The following DRC5 variants were observed in gnomAD, a reference collection of about 807,000 sequenced individuals.
DRC5 encodes dynein regulatory complex subunit 5, also known as T-complex-associated testis-expressed protein 1.
the DRC5 span, among the ~76,000 whole-genome samples, chr6:44,288,636 T>C: frequency 6.6e-6 from 1 of 152,188 alleles, no homozygotes; most frequent in Non-Finnish European, 1.5e-5. Flanking sequence ...AGAAATATAA[T>C]GCAAGCCAAA....
At chr6:44,287,903 TG>T in the DRC5 span, 16 of 1,526,458 alleles carry the variant, frequency 1.0e-5, no homozygotes, top group Non-Finnish European at 1.3e-5. Flanking sequence ...GGCAGGTCCT[TG>T]AAACAGGTAG....
At chr6:44,283,670 G>A in the DRC5 span, among the ~76,000 whole-genome samples, 81 of 152,326 alleles carry the variant, frequency 5.3e-4, no homozygotes, top group Admixed American at 1.4e-3. Flanking sequence ...ATGCCTGTGC[G>A]CAAGCAACTG....
the DRC5 span, chr6:44,280,294 G>C: frequency 1.2e-6 from 2 of 1,614,104 alleles, no homozygotes; most frequent in African/African-American, 2.7e-5. Context: ...TGGCCAATGA[G>C]GTACTCGCTT....
At chr6:44,291,260 T>C in the DRC5 span, among the ~76,000 whole-genome samples, 1 of 152,246 alleles carries the variant, frequency 6.6e-6, no homozygotes, top group Non-Finnish European at 1.5e-5. Flanking sequence ...TAATCATCTC[T>C]TGATTTTTTA....
At chr6:44,284,140 A>T in the DRC5 span, among the ~76,000 whole-genome samples, 2 of 149,240 alleles carry the variant, frequency 1.3e-5, no homozygotes, top group Non-Finnish European at 3.0e-5. Flanking sequence ...CTCACTTCCC[A>T]CTCTCCCCAG....
the DRC5 span, among the ~76,000 whole-genome samples, chr6:44,284,362 C>T: frequency 3.3e-5 from 5 of 152,018 alleles, no homozygotes; most frequent in African/African-American, 1.2e-4. Flanking sequence ...CTTCTTCTTC[C>T]ACTGAGACCA....
the DRC5 span, among the ~76,000 whole-genome samples, chr6:44,283,022 T>C: frequency 5.5e-3 from 835 of 152,156 alleles, 12 homozygotes; most frequent in African/African-American, 0.019. Flanking sequence ...CAGGATGGTC[T>C]TGATCTCCTG....
At chr6:44,279,864 C>T in the DRC5 span, 11 of 244,896 alleles carry the variant, frequency 4.5e-5, no homozygotes, top group Middle Eastern at 1.3e-3. Context: ...GCAGCCCCAA[C>T]GGGAGAATCT....
the DRC5 span, among the ~76,000 whole-genome samples, chr6:44,289,022 A>AAG: frequency 7.0e-4 from 95 of 136,528 alleles, 1 homozygote; most frequent in East Asian, 2.5e-3. Context: ...AAAAAAAAAA[A>AAG]GAAAAACAGG....
chr6:44,282,772 T>C, the DRC5 span, among the ~76,000 whole-genome samples: 1 of 151,384 alleles, frequency 6.6e-6, no homozygotes, highest in Non-Finnish European at 1.5e-5. Flanking sequence ...ACATGCTGGG[T>C]ATGCTGCTTG....
the DRC5 span, among the ~76,000 whole-genome samples, chr6:44,292,333 G>C: frequency 7.2e-4 from 109 of 152,266 alleles, no homozygotes; most frequent in Middle Eastern, 3.4e-3. Flanking sequence ...TTCTGAGTCT[G>C]AGCTCAAGCA....
At chr6:44,279,291 G>C in the DRC5 span, 1 of 152,632 alleles carries the variant, frequency 6.6e-6, no homozygotes, top group South Asian at 2.1e-4. Context: ...GTGTCCTGGG[G>C]ACAAGGGCTT....
chr6:44,285,882 A>G, the DRC5 span: 2 of 1,277,274 alleles, frequency 1.6e-6, no homozygotes, highest in African/African-American at 1.5e-5. Context: ...GAAGAAGGCA[A>G]TAATAGAGGA....
the DRC5 span, among the ~76,000 whole-genome samples, chr6:44,288,525 A>C: frequency 2.0e-5 from 3 of 152,330 alleles, no homozygotes; most frequent in African/African-American, 4.8e-5. Context: ...CACAGATATA[A>C]TAAAGAGCCA....
the DRC5 span, among the ~76,000 whole-genome samples, chr6:44,281,131 T>C: frequency 2.0e-5 from 3 of 152,094 alleles, no homozygotes; most frequent in African/African-American, 2.4e-5. Context: ...AGTGACCTAA[T>C]GGAGGGCCCT....
At chr6:44,297,675 G>A in the DRC5 span, 2 of 152,198 alleles carry the variant, frequency 1.3e-5, no homozygotes. Context: ...CGGGAGCCCC[G>A]GCGCTCGCCT....
the DRC5 span, chr6:44,286,583 T>C: frequency 1.3e-6 from 2 of 1,483,758 alleles, no homozygotes; most frequent in Non-Finnish European, 1.8e-6. Context: ...GGGGGACACC[T>C]CAACATGATG....
the DRC5 span, chr6:44,282,076 AC>A: frequency 6.3e-7 from 1 of 1,590,568 alleles, no homozygotes; most frequent in Non-Finnish European, 8.6e-7. Flanking sequence ...TGGATTCCAC[AC>A]CCACCCTCAC....
chr6:44,279,845 G>A, the DRC5 span: 1 of 236,382 alleles, frequency 4.2e-6, no homozygotes, highest in Non-Finnish European at 8.3e-6. Context: ...TGGGGAGTCA[G>A]GGAGGCAGGC....
Sources: gnomAD v4.1 joint callset for allele counts (sites outside exome capture counted in the v4.1 genomes callset) on GRCh38, gnomAD v4.1.1 for gene constraint, MANE v1.5 for transcripts, NCBI Gene and HGNC (gene_info 2026-07-23, HGNC 2026-07-21) for gene names.